SMOC1: variants seen among roughly 807,000 people sequenced by gnomAD.
SMOC1 encodes the protein SPARC-related modular calcium-binding protein 1.
Under a neutral mutation model 56.3 loss-of-function variants are expected in SMOC1, and 22 were observed. The ratio of observed to expected loss-of-function variants is 0.39; its 90% confidence interval spans 0.28 to 0.56. The LOEUF is 0.56. Ranked by LOEUF, SMOC1 falls within the 20% of genes least tolerant of loss-of-function variation. The pLI is 0.61. For synonymous variants in SMOC1, 193 were observed against 215.0 expected (o/e 0.90, Z 0.89); for missense variants, 509 against 565.4 (o/e 0.90, Z 1.01).
At chr14:69,886,420 C>T (rs1883811756) in intron 1 of SMOC1, among the ~76,000 whole-genome samples, 3 of 152,210 alleles carry the variant, frequency 2.0e-5, no homozygotes, top group Admixed American at 6.5e-5. Context: ...AAGTGGACTG[C>T]ATAATGATGT....
intron 1 of SMOC1, among the ~76,000 whole-genome samples, chr14:69,900,890 G>A (rs1443987588): frequency 3.9e-5 from 6 of 152,222 alleles, no homozygotes; most frequent in African/African-American, 1.2e-4. Context: ...AGTCATGCCA[G>A]CCTGTAACTG....
At chr14:69,913,403 T>G (rs894238690) in intron 1 of SMOC1, among the ~76,000 whole-genome samples, 1 of 152,168 alleles carries the variant, frequency 6.6e-6, no homozygotes, top group Non-Finnish European at 1.5e-5. Flanking sequence ...GGCTGCCAGA[T>G]AAAATACAGG....
intron 1 of SMOC1, among the ~76,000 whole-genome samples, chr14:69,939,402 A>G (rs1882465594): frequency 6.6e-6 from 1 of 152,212 alleles, no homozygotes; most frequent in Non-Finnish European, 1.5e-5. Flanking sequence ...TGATTCAATT[A>G]CTTCCCATCG....
rs761261696 is a variant in SMOC1, at chr14:69,977,918, G to C, written c.479G>C (p.Gly160Ala). ...GTTTTTGTTTCCCTTCTCACCCAAG[G>C]TTCAGTCACCGACAAGCCCTTGAGC... ...SVQNKTPVCS[G>A]SVTDKPLSQG... Residue 160 changes from glycine (G) to alanine (A), a missense_variant and splice_region_variant, in exon 5 of 12, where the codon GGT becomes GCT. Coordinates refer to ENST00000361956, the MANE Select transcript of SMOC1 (RefSeq NM_001034852.3). 7 of 1,613,774 alleles carry C rather than the reference G, an allele frequency of 4.3e-6. No homozygotes were observed. Among genetic ancestry groups the C allele is most frequent in the Admixed American group, 1.7e-5 (1 of 60,000 alleles).
At chr14:70,013,747 T>A (rs1215604680) in intron 10 of SMOC1, among the ~76,000 whole-genome samples, 1 of 152,212 alleles carries the variant, frequency 6.6e-6, no homozygotes, top group African/African-American at 2.4e-5. Flanking sequence ...AGTCCAGGGC[T>A]GTCTGGGACT....
intron 3 of SMOC1, among the ~76,000 whole-genome samples, chr14:69,956,669 G>A (rs1883198923): frequency 6.6e-6 from 1 of 152,038 alleles, no homozygotes; most frequent in Admixed American, 6.5e-5. Flanking sequence ...CCACATGACT[G>A]ACTTGGCTTT....
intron 1 of SMOC1, among the ~76,000 whole-genome samples, chr14:69,921,361 T>C (rs549220320): frequency 1.3e-5 from 2 of 152,240 alleles, no homozygotes; most frequent in East Asian, 3.9e-4. Context: ...GGGGAGGCTG[T>C]TAGGACATGA....
chr14:70,028,457 A>G (rs1886013444), intron 11 of SMOC1, among the ~76,000 whole-genome samples: 1 of 152,100 alleles, frequency 6.6e-6, no homozygotes, highest in Non-Finnish European at 1.5e-5. Flanking sequence ...TGATATCTCC[A>G]AGCTTCAGTT....
chr14:69,951,179 C>T (rs552893847), intron 1 of SMOC1, among the ~76,000 whole-genome samples: 8 of 152,268 alleles, frequency 5.3e-5, no homozygotes, highest in African/African-American at 1.9e-4. Flanking sequence ...CAGCTGGTTT[C>T]CTCAAGAGTG....
intron 1 of SMOC1, among the ~76,000 whole-genome samples, chr14:69,926,271 G>A (rs1485095079): frequency 6.6e-6 from 1 of 152,204 alleles, no homozygotes; most frequent in Non-Finnish European, 1.5e-5. Context: ...ATTTTGGCAA[G>A]TTTTGCAAGG....
chr14:69,902,493 G>C (rs1291603290), intron 1 of SMOC1, among the ~76,000 whole-genome samples: 1 of 152,180 alleles, frequency 6.6e-6, no homozygotes, highest in Non-Finnish European at 1.5e-5. Flanking sequence ...GGTGGTGGGA[G>C]TGACACTGTG....
chr14:70,030,597 T>C lies in SMOC1; in HGVS notation c.*339T>C, dbSNP rs1277842360. The C allele has an allele frequency of 1.3e-5, 4 of 313,318 alleles. No homozygotes were observed. Among genetic ancestry groups the C allele is most frequent in the Non-Finnish European group, 2.3e-5 (4 of 172,080 alleles). 19.4% of individuals were successfully genotyped at this position (313,318 alleles called of 1,614,324 possible). On this transcript the variant is annotated 3_prime_UTR_variant, in exon 12 of 12. Coordinates refer to ENST00000361956, the MANE Select transcript of SMOC1 (RefSeq NM_001034852.3). ...TGAGAAGAAAGAGATTTATATGCTG[T>C]ATATAAATATATATGTAAATTGTAT... is the stretch of plus-strand genomic sequence containing the variant.
At chr14:69,890,603 C>T (rs888800004) in intron 1 of SMOC1, among the ~76,000 whole-genome samples, 1 of 152,188 alleles carries the variant, frequency 6.6e-6, no homozygotes, top group African/African-American at 2.4e-5. Context: ...TCCTGAGTCA[C>T]CCTGGCATTC....
chr14:70,027,840 G>A (rs1002515250), intron 11 of SMOC1, among the ~76,000 whole-genome samples: 1 of 152,178 alleles, frequency 6.6e-6, no homozygotes, highest in Non-Finnish European at 1.5e-5. Context: ...AGCGGTAGAG[G>A]AACATGTCCG....
intron 5 of SMOC1, among the ~76,000 whole-genome samples, chr14:69,991,756 C>A (rs1884575981): frequency 1.3e-5 from 2 of 152,166 alleles, no homozygotes; most frequent in Non-Finnish European, 2.9e-5. Context: ...TGCTTGCCCT[C>A]CCTCTTATTG....
intron 7 of SMOC1, among the ~76,000 whole-genome samples, chr14:69,996,321 T>G (rs1884763973): frequency 6.6e-6 from 1 of 152,238 alleles, no homozygotes; most frequent in Non-Finnish European, 1.5e-5. Flanking sequence ...CATAACCCTA[T>G]GAGATAGCTA....
chr14:69,903,755 A>T (rs1056231514), intron 1 of SMOC1, among the ~76,000 whole-genome samples: 2 of 152,180 alleles, frequency 1.3e-5, no homozygotes, highest in African/African-American at 4.8e-5. Context: ...ACCCAGGGAC[A>T]CAAACACTGC....
intron 1 of SMOC1, among the ~76,000 whole-genome samples, chr14:69,919,925 T>C (rs978535678): frequency 4.2e-4 from 55 of 129,870 alleles, no homozygotes; most frequent in African/African-American, 1.4e-3. Flanking sequence ...CCCCCCCCTT[T>C]CTCCCCTGGA....
chr14:70,020,082 ATTC>A (rs540255115), intron 10 of SMOC1, among the ~76,000 whole-genome samples: 2 of 151,746 alleles, frequency 1.3e-5, no homozygotes, highest in South Asian at 4.2e-4. Context: ...ATGCTTAAAT[ATTC>A]TTCTTGGGCC....
Sources: gnomAD v4.1 joint callset for allele counts (sites outside exome capture counted in the v4.1 genomes callset) on GRCh38, gnomAD v4.1.1 for gene constraint, MANE v1.5 for transcripts, NCBI Gene and HGNC (gene_info 2026-07-23, HGNC 2026-07-21) for gene names.